Variants in OPCML observed in about 807,000 individuals in gnomAD.
The protein encoded by OPCML is opioid-binding protein/cell adhesion molecule.
In OPCML, 13 loss-of-function variants were observed where a neutral mutation model predicts 37.8. The ratio of observed to expected loss-of-function variants is 0.34; its 90% CI spans 0.22 to 0.55. OPCML has a LOEUF of 0.55. OPCML is among the 20% of genes least tolerant of loss of function. The probability of loss-of-function intolerance (pLI) is 0.91; values close to 1 mark genes in which losing one functional copy is unlikely to be tolerated. For missense variants in OPCML, 341 were observed against 435.6 expected (o/e 0.78, Z 1.93); for synonymous variants, 176 against 168.8 (o/e 1.04, Z -0.33).
chr11:133,341,874 C>T (rs529206847), intron 1 of OPCML, among the ~76,000 whole-genome samples: 3 of 152,020 alleles, frequency 2.0e-5, no homozygotes, highest in African/African-American at 2.4e-5. Flanking sequence ...GCCGAGATCG[C>T]GCCATTGCAC....
chr11:133,125,196 T>C (rs1435190833), intron 1 of OPCML, among the ~76,000 whole-genome samples: 1 of 152,056 alleles, frequency 6.6e-6, no homozygotes, highest in East Asian at 1.9e-4. Context: ...CCCCAGGAAG[T>C]TGAGGAGGTC....
chr11:133,087,709 G>C (rs1035974649), intron 1 of OPCML, among the ~76,000 whole-genome samples: 2 of 152,162 alleles, frequency 1.3e-5, no homozygotes, highest in East Asian at 1.9e-4. Flanking sequence ...ACATGCCAGC[G>C]TGCCAGAGAA....
intron 1 of OPCML, among the ~76,000 whole-genome samples, chr11:133,082,819 A>C (rs1178128401): frequency 4.1e-5 from 6 of 147,726 alleles, no homozygotes; most frequent in Admixed American, 4.0e-4. Flanking sequence ...GGCGGGGCCC[A>C]CCAACCCGGA....
intron 3 of OPCML, among the ~76,000 whole-genome samples, chr11:132,641,258 A>G (rs1940835051): frequency 6.6e-6 from 1 of 152,152 alleles, no homozygotes; most frequent in African/African-American, 2.4e-5. Context: ...TAAGGACGTC[A>G]ATGCTGGTTA....
At chr11:132,727,134 T>G (rs1347844738) in intron 2 of OPCML, among the ~76,000 whole-genome samples, 1 of 152,116 alleles carries the variant, frequency 6.6e-6, no homozygotes, top group Non-Finnish European at 1.5e-5. Context: ...ATCAATCAAC[T>G]AATTTTCTCA....
intron 1 of OPCML, among the ~76,000 whole-genome samples, chr11:133,261,496 C>T (rs1409888510): frequency 1.3e-5 from 2 of 151,900 alleles, no homozygotes; most frequent in African/African-American, 2.4e-5. Flanking sequence ...GTCCGGCTCT[C>T]TTCACTGCTG....
intron 1 of OPCML, among the ~76,000 whole-genome samples, chr11:133,094,709 A>G (rs569292929): frequency 6.6e-6 from 1 of 152,282 alleles, no homozygotes; most frequent in South Asian, 2.1e-4. Flanking sequence ...GTCACAACTT[A>G]TTAGGGAACC....
chr11:132,546,235 T>C (rs969149186), intron 3 of OPCML, among the ~76,000 whole-genome samples: 1 of 152,220 alleles, frequency 6.6e-6, no homozygotes, highest in Admixed American at 6.5e-5. Context: ...TTGCTGGGCT[T>C]GCCAGACTTC....
At chr11:133,254,678 G>C (rs1941253420) in intron 1 of OPCML, among the ~76,000 whole-genome samples, 1 of 152,110 alleles carries the variant, frequency 6.6e-6, no homozygotes. Flanking sequence ...AATTGTGTTG[G>C]GGCAAAGGTG....
chr11:132,567,082 T>C (rs1221466652), intron 3 of OPCML, among the ~76,000 whole-genome samples: 3 of 150,914 alleles, frequency 2.0e-5, no homozygotes, highest in East Asian at 3.9e-4. Context: ...AGAAACAGAG[T>C]GGCCTCAATC....
intron 1 of OPCML, among the ~76,000 whole-genome samples, chr11:133,192,574 G>A (rs1938368376): frequency 6.6e-6 from 1 of 152,120 alleles, no homozygotes. Flanking sequence ...CTTCCTTGAC[G>A]TTATTCAATT....
At chr11:132,744,680 G>A (rs982373165) in intron 2 of OPCML, among the ~76,000 whole-genome samples, 8 of 152,338 alleles carry the variant, frequency 5.3e-5, no homozygotes, top group Non-Finnish European at 7.3e-5. Context: ...AGAGCCATAC[G>A]TGAGACTCCA....
At chr11:132,678,722 T>C (rs1942815324) in intron 2 of OPCML, among the ~76,000 whole-genome samples, 1 of 152,052 alleles carries the variant, frequency 6.6e-6, no homozygotes, top group African/African-American at 2.4e-5. Context: ...CTATTAGGGG[T>C]TGGGCGAGGG....
chr11:133,314,189 C>T (rs552418355), intron 1 of OPCML, among the ~76,000 whole-genome samples: 12 of 123,894 alleles, frequency 9.7e-5, no homozygotes, highest in Admixed American at 2.1e-4. Context: ...GAGCCGAGAT[C>T]GCGCCACTGC....
chr11:132,902,472 A>G (rs1285937775), intron 2 of OPCML, among the ~76,000 whole-genome samples: 1 of 152,212 alleles, frequency 6.6e-6, no homozygotes, highest in African/African-American at 2.4e-5. Context: ...CCTGCAGTGC[A>G]CATTGCCCCA....
intron 4 of OPCML, among the ~76,000 whole-genome samples, chr11:132,451,887 T>C (rs890337338): frequency 6.6e-6 from 1 of 152,190 alleles, no homozygotes; most frequent in South Asian, 2.1e-4. Context: ...AGGTTTTTTG[T>C]GCCCCGTTTT....
chr11:133,039,031 C>T (rs1017214279), intron 1 of OPCML, among the ~76,000 whole-genome samples: 1 of 152,164 alleles, frequency 6.6e-6, no homozygotes, highest in Non-Finnish European at 1.5e-5. Context: ...GGCAAATGCC[C>T]CCATTCCCAC....
intron 2 of OPCML, among the ~76,000 whole-genome samples, chr11:132,909,689 ACT>A (rs1283063497): frequency 6.6e-6 from 1 of 152,112 alleles, no homozygotes; most frequent in Admixed American, 6.5e-5. Context: ...GGCTGATGTC[ACT>A]CTGAACAGAA....
chr11:133,368,531 C>G (rs959103765), intron 1 of OPCML, among the ~76,000 whole-genome samples: 25 of 152,218 alleles, frequency 1.6e-4, no homozygotes, highest in Admixed American at 4.6e-4. Context: ...AAAAAAAGAA[C>G]AGGTCCTTGG....
Sources: allele counts gnomAD v4.1 joint callset (sites outside exome capture counted in the v4.1 genomes callset), GRCh38; gene constraint gnomAD v4.1.1; transcripts MANE v1.5; gene names NCBI Gene and HGNC (gene_info 2026-07-23, HGNC 2026-07-21).